The following HPS5 variants were observed in gnomAD, a reference collection of about 807,000 sequenced individuals.
HPS5 encodes the protein HPS5 biogenesis of lysosomal organelles complex 2 subunit 2.
HPS5 carries 83 observed loss-of-function variants against 128.0 expected under a neutral mutation model. The ratio of observed to expected loss-of-function variants is 0.65; its 90% CI spans 0.54 to 0.78. HPS5 has a LOEUF of 0.78. Among genes scored for constraint, HPS5 ranks in the 30% least tolerant of loss-of-function variants. The pLI is 0.00. For missense variants in HPS5, 1,281 were observed against 1,326.2 expected (o/e 0.97, Z 0.53); for synonymous variants, 475 against 470.2 (o/e 1.01, Z -0.13).
In HPS5 at chr11:18,305,411, T is replaced by G; in HGVS notation, c.896+11A>C. 6.4e-7 allele frequency: 1 copy of G among 1,563,062 alleles called. No individual in the cohort carries two copies. The highest frequency in any genetic ancestry group is 1.1e-5 in the South Asian group (1 of 90,026). On this transcript the variant is annotated intron_variant, in intron 8 of 22. Coordinates refer to ENST00000349215, the MANE Select transcript of HPS5 (RefSeq NM_181507.2). ...TTTTCCCCCCCAGAACTAAGGAAAGTAGAAACTTACCTAAGATGTAAGAGT... is the reference window on the plus strand; with the variant it reads ...TTTTCCCCCCCAGAACTAAGGAAAGGAGAAACTTACCTAAGATGTAAGAGT...
chr11:18,284,969 C>T (rs927804144), intron 20 of HPS5, among the ~76,000 whole-genome samples: 1 of 151,950 alleles, frequency 6.6e-6, no homozygotes, highest in African/African-American at 2.4e-5. Flanking sequence ...AGTCCTTCAC[C>T]AGCGATGCTA....
chr11:18,283,773 T>C, intron 21 of HPS5, 22 bp downstream of exon 21: 1 of 1,548,196 alleles, frequency 6.5e-7, no homozygotes, highest in Non-Finnish European at 8.9e-7. Context: ...CAACCAAGAG[T>C]AACCAGTTAG....
intron 20 of HPS5, among the ~76,000 whole-genome samples, chr11:18,284,686 T>C (rs1859458768): frequency 6.6e-6 from 1 of 152,170 alleles, no homozygotes; most frequent in African/African-American, 2.4e-5. Context: ...ATGTATCAAG[T>C]GCCTACCACT....
At chr11:18,318,167 G>C (rs1202280561) in intron 1 of HPS5, among the ~76,000 whole-genome samples, 1 of 152,188 alleles carries the variant, frequency 6.6e-6, no homozygotes, top group African/African-American at 2.4e-5. Context: ...AACAGTGTGA[G>C]TAAACAGAAT....
intron 18 of HPS5, chr11:18,286,923 GGAGAGAAAGAGA>G (rs942056741): frequency 3.5e-5 from 22 of 627,038 alleles, no homozygotes; most frequent in Non-Finnish European, 5.5e-5. Flanking sequence ...AAAAAAAAAG[GGAGAGAAAGAGA>G]GAGAGAAAGA....
intron 2 of HPS5, among the ~76,000 whole-genome samples, chr11:18,316,946 G>A (rs1450353600): frequency 8.5e-5 from 13 of 152,182 alleles, no homozygotes; most frequent in Non-Finnish European, 1.9e-4. Flanking sequence ...TGTAATCCCA[G>A]CACTTTGGGA....
chr11:18,284,079 G>A (rs1021543199), intron 20 of HPS5, among the ~76,000 whole-genome samples, 178 bp from the exon 21 acceptor site: 13 of 151,716 alleles, frequency 8.6e-5, no homozygotes, highest in Non-Finnish European at 1.9e-4. Context: ...GTAGTCAATG[G>A]CTACATGTGG....
intron 20 of HPS5, 71 bp downstream of exon 20, chr11:18,285,275 C>G: frequency 1.1e-6 from 1 of 914,900 alleles, no homozygotes; most frequent in East Asian, 2.4e-5. Flanking sequence ...TTAATTCAGA[C>G]CCTTAACTAT....
chr11:18,300,716 A>AGT, intron 9 of HPS5, 112 bp downstream of exon 9: 1 of 538,884 alleles, frequency 1.9e-6, no homozygotes, highest in Non-Finnish European at 3.4e-6. Flanking sequence ...AAAAAAAAAA[A>AGT]AAAAGTCATC....
At chr11:18,303,871 A>G (rs1442864238) in intron 8 of HPS5, among the ~76,000 whole-genome samples, 2 of 151,200 alleles carry the variant, frequency 1.3e-5, no homozygotes, top group Non-Finnish European at 2.9e-5. Context: ...AAAAAAAAAA[A>G]CTTGGGTAAG....
chr11:18,284,788 A>G (rs888711209), intron 20 of HPS5, among the ~76,000 whole-genome samples: 5 of 152,188 alleles, frequency 3.3e-5, no homozygotes, highest in African/African-American at 9.7e-5. Context: ...ATAAGCCAGT[A>G]TCACCAGGCA....
At chr11:18,281,255 A>ATTTT (rs1236371776) in intron 22 of HPS5, among the ~76,000 whole-genome samples, 1 of 99,958 alleles carries the variant, frequency 1.0e-5, no homozygotes, top group African/African-American at 3.7e-5. Flanking sequence ...ATTTTTTTGC[A>ATTTT]TTTTTTTTTT....
At position 18,297,622 on chromosome 11, in the gene HPS5, C is replaced by A. The variant is rs778703386; in HGVS notation, c.1260G>T (p.Leu420Phe). ...AATCCAAAGGTTCAAATTTTAAGAT[C>A]AATTCTTCCAGTTGAGAAATTAGAT... Reference protein sequence around the residue: ...YNDLISQLEELILKFEPLDSA... With the variant: ...YNDLISQLEEFILKFEPLDSA... Residue 420 changes from leucine (L) to phenylalanine (F), a missense_variant, in exon 11 of 23, where the codon TTG becomes TTT. Physicochemically the swap from Leu to Phe is conservative, Grantham distance 22 (BLOSUM62 0). Transcript: ENST00000349215. 2.5e-6 allele frequency: 4 copies of A among 1,613,938 alleles called. No individual in the cohort carries two copies. In the South Asian group the frequency reaches 3.3e-5, roughly 13 times the overall value.
At chr11:18,303,484 G>C (rs1861970626) in intron 8 of HPS5, among the ~76,000 whole-genome samples, 1 of 151,708 alleles carries the variant, frequency 6.6e-6, no homozygotes, top group Non-Finnish European at 1.5e-5. Context: ...ATCATCAAAG[G>C]CTTTTTGTCT....
intron 1 of HPS5, among the ~76,000 whole-genome samples, chr11:18,318,341 A>G (rs1863889274): frequency 6.6e-6 from 1 of 152,226 alleles, no homozygotes; most frequent in Non-Finnish European, 1.5e-5. Context: ...AGCAAACCCT[A>G]CAGTTATCAG....
At chr11:18,281,779 G>T in intron 22 of HPS5, 171 bp downstream of exon 22, 1 of 763,566 alleles carries the variant, frequency 1.3e-6, no homozygotes. Flanking sequence ...TCTTGGTCAT[G>T]GCTGTGAATG....
chr11:18,300,809 C>T lies in HPS5; in HGVS notation c.985+19G>A. ...TTCATAAGCATGAGATTAAAAATTA[C>T]AAAGAAAAATATAATTACCTTTGAC... On this transcript the variant is annotated intron_variant, in intron 9 of 22. Transcript: ENST00000349215. 1 of 1,259,074 alleles carries T rather than the reference C, an allele frequency of 7.9e-7. No individual in the cohort carries two copies. The highest frequency in any genetic ancestry group is 1.2e-5 in the South Asian group (1 of 81,980). 78.0% of individuals were successfully genotyped at this position (1,259,074 alleles called of 1,614,324 possible).
intron 20 of HPS5, among the ~76,000 whole-genome samples, chr11:18,284,840 C>T (rs1398321910): frequency 1.3e-5 from 2 of 152,074 alleles, no homozygotes; most frequent in Non-Finnish European, 2.9e-5. Context: ...ATAAGCAATG[C>T]CAGTTTTCCA....
Position 18,291,440 on chromosome 11 carries a change from A to G in HPS5, c.2440+2T>C, listed in dbSNP as rs751526095. 8.4e-6 allele frequency: 13 copies of G among 1,550,502 alleles called. No individual in the cohort carries two copies. Among genetic ancestry groups the G allele is most frequent in the Non-Finnish European group, 1.1e-5 (12 of 1,122,494 alleles). ...TCTTTGATAAGGCAATCTGAGTATTACCTTTCAATCCTTCAATAAAAGTAT... is the reference window on the plus strand; with the variant it reads ...TCTTTGATAAGGCAATCTGAGTATTGCCTTTCAATCCTTCAATAAAAGTAT... On this transcript the variant is annotated splice_donor_variant, in intron 16 of 22. Coordinates refer to ENST00000349215, the MANE Select transcript of HPS5 (RefSeq NM_181507.2). LOFTEE classifies it high-confidence loss of function.
Sources: allele counts gnomAD v4.1 joint callset (sites outside exome capture counted in the v4.1 genomes callset), GRCh38; gene constraint gnomAD v4.1.1; transcripts MANE v1.5; gene names NCBI Gene and HGNC (gene_info 2026-07-23, HGNC 2026-07-21).